MAP2K5: variants seen among roughly 807,000 people sequenced by gnomAD.
MAP2K5 encodes the protein dual specificity mitogen-activated protein kinase kinase 5.
MAP2K5 carries 49 observed loss-of-function variants against 83.1 expected under a neutral mutation model. That is an observed-to-expected ratio of 0.59 (90% CI 0.47 to 0.75). The LOEUF is 0.75. Among genes scored for constraint, MAP2K5 ranks in the 30% least tolerant of loss-of-function variants. The pLI, the probability that MAP2K5 is intolerant of heterozygous loss-of-function variation, is 0.00. For synonymous variants in MAP2K5, 202 were observed against 191.8 expected, an observed-to-expected ratio of 1.05 and a Z score of -0.44; for missense variants, 457 against 557.5, an observed-to-expected ratio of 0.82 and a Z score of 1.82.
At chr15:67,628,355 C>A (rs2086376468) in intron 8 of MAP2K5, among the ~76,000 whole-genome samples, 1 of 152,076 alleles carries the variant, frequency 6.6e-6, no homozygotes, top group African/African-American at 2.4e-5. Flanking sequence ...TGGCAGGCAC[C>A]TGTAATCCCA....
chr15:67,616,985 T>C (rs1339801588), intron 8 of MAP2K5, among the ~76,000 whole-genome samples: 1 of 152,224 alleles, frequency 6.6e-6, no homozygotes, highest in Non-Finnish European at 1.5e-5. Context: ...TTAGTTCATG[T>C]GGTTAATGAA....
Position 67,552,333 on chromosome 15 carries a change from G to A in MAP2K5, c.184+2251G>A, listed in dbSNP as rs1033071291. Among the ~76,000 whole-genome samples, 2 of 152,210 alleles carry A rather than the reference G, an allele frequency of 1.3e-5. No individual in the cohort carries two copies. The highest frequency in any genetic ancestry group is 2.1e-4 in the South Asian group (1 of 4,828). On this transcript the variant is annotated intron_variant, in intron 2 of 21. Transcript: ENST00000178640. This position sits in a 1 kb window ranked among gnomAD's most constrained non-coding sequence, Gnocchi z 4.2. Reference sequence around the variant, plus strand: ...GCAGGTTCCACGGGTTTCATGGACAGTCTGATAGTTAACATTCGGAGTACT... The same window carrying A: ...GCAGGTTCCACGGGTTTCATGGACAATCTGATAGTTAACATTCGGAGTACT...
At chr15:67,805,065 G>C (rs2090775674) in intron 21 of MAP2K5, among the ~76,000 whole-genome samples, 1 of 152,200 alleles carries the variant, frequency 6.6e-6, no homozygotes, top group African/African-American at 2.4e-5. Flanking sequence ...GCTATGAGCA[G>C]ATTATGGGAA....
chr15:67,804,195 T>A (rs2090757239), intron 21 of MAP2K5, among the ~76,000 whole-genome samples: 1 of 152,160 alleles, frequency 6.6e-6, no homozygotes, highest in African/African-American at 2.4e-5. Flanking sequence ...TCCTACACAC[T>A]GGCTTTCTCT....
chr15:67,653,991 GAGA>G (rs2087012022), intron 11 of MAP2K5, among the ~76,000 whole-genome samples: 2 of 152,046 alleles, frequency 1.3e-5, no homozygotes, highest in African/African-American at 4.8e-5. Context: ...ATGCGTACTT[GAGA>G]AGAATATATT....
intron 16 of MAP2K5, among the ~76,000 whole-genome samples, chr15:67,706,106 TC>T (rs1319856113): frequency 6.6e-6 from 1 of 152,138 alleles, no homozygotes; most frequent in Non-Finnish European, 1.5e-5. Flanking sequence ...AACAGGGAGA[TC>T]CGTTTAAGTA....
chr15:67,648,343 C>T (rs1344226538), intron 11 of MAP2K5, among the ~76,000 whole-genome samples: 1 of 152,168 alleles, frequency 6.6e-6, no homozygotes, highest in Non-Finnish European at 1.5e-5. Flanking sequence ...GCCTTTGTGT[C>T]TGGCTTCCTT....
chr15:67,660,166 C>T (rs773819987), intron 12 of MAP2K5, among the ~76,000 whole-genome samples: 2 of 123,098 alleles, frequency 1.6e-5, no homozygotes, highest in African/African-American at 3.1e-5. Flanking sequence ...AAACTACTTA[C>T]AGCTGGAGTA....
intron 13 of MAP2K5, 24 bp downstream of exon 13, chr15:67,664,669 G>C (rs1244180374): frequency 6.4e-7 from 1 of 1,569,764 alleles, no homozygotes; most frequent in South Asian, 1.1e-5. Flanking sequence ...TTATAAGCTT[G>C]GATTTAATTT....
chr15:67,775,507 A>G lies in MAP2K5; in HGVS notation c.1242+2755A>G, dbSNP rs903942017. On this transcript the variant is annotated intron_variant, in intron 21 of 21. Coordinates refer to ENST00000178640, the MANE Select transcript of MAP2K5 (RefSeq NM_145160.3). This position sits in a 1 kb window ranked among gnomAD's most constrained non-coding sequence, Gnocchi z 5.3. ...CCTAAGAGATTTCAGACCCCATTAA[A>G]TAATTGAATTTGTTAGTTGATATAC... Among the ~76,000 whole-genome samples the G allele has an allele frequency of 1.3e-5, 2 of 152,250 alleles. No individual in the cohort carries two copies. Among genetic ancestry groups the G allele is most frequent in the South Asian group, 2.1e-4 (1 of 4,832 alleles).
At chr15:67,731,677 G>C (rs549546406) in intron 17 of MAP2K5, among the ~76,000 whole-genome samples, 1 of 152,260 alleles carries the variant, frequency 6.6e-6, no homozygotes, top group Admixed American at 6.5e-5. Context: ...CCAGCCTCTA[G>C]GTGAGCCAAC....
intron 15 of MAP2K5, among the ~76,000 whole-genome samples, 193 bp downstream of exon 15, chr15:67,693,761 T>C (rs1397240681): frequency 4.6e-5 from 7 of 152,228 alleles, no homozygotes; most frequent in Admixed American, 4.6e-4. Context: ...TATCAACTTA[T>C]CTGACTTTGT....
In MAP2K5 at chr15:67,677,359, T is replaced by A. The variant is rs1397657962; in HGVS notation, c.847+12714T>A. ...TTAATAATAGTACCTATCTCAAGGGTTACAATGAGAATTAAATGAGGTAAT... is the reference window on the plus strand; with the variant it reads ...TTAATAATAGTACCTATCTCAAGGGATACAATGAGAATTAAATGAGGTAAT... On this transcript the variant is annotated intron_variant, in intron 13 of 21. Transcript: ENST00000178640. This position sits in a 1 kb window ranked among gnomAD's most constrained non-coding sequence, Gnocchi z 4.2. Among the ~76,000 whole-genome samples, 1 of 152,152 alleles carries A rather than the reference T, an allele frequency of 6.6e-6. No homozygotes were observed. Among genetic ancestry groups the A allele is most frequent in the African/African-American group, 2.4e-5 (1 of 41,430 alleles).
chr15:67,696,070 C>T (rs1306087337), intron 15 of MAP2K5, among the ~76,000 whole-genome samples: 3 of 149,676 alleles, frequency 2.0e-5, no homozygotes, highest in Non-Finnish European at 4.4e-5. Flanking sequence ...TATTATAGTA[C>T]AGGTATGAAT....
chr15:67,681,821 T>C (rs2087825468), intron 13 of MAP2K5, among the ~76,000 whole-genome samples: 1 of 152,218 alleles, frequency 6.6e-6, no homozygotes, highest in Non-Finnish European at 1.5e-5. Context: ...TGAGAAAATG[T>C]CTCAGTTAAA....
intron 21 of MAP2K5, among the ~76,000 whole-genome samples, chr15:67,799,741 G>A (rs2045960): frequency 0.27 from 40,818 of 152,078 alleles, 6,407 homozygotes; most frequent in East Asian, 0.6. Context: ...CCCACCCAAT[G>A]TTGCCACTCC....
intron 11 of MAP2K5, among the ~76,000 whole-genome samples, chr15:67,654,924 A>G (rs1407079155): frequency 6.6e-6 from 1 of 151,666 alleles, no homozygotes; most frequent in Non-Finnish European, 1.5e-5. Flanking sequence ...AATTAGCTGG[A>G]CTCAGTGGTG....
intron 21 of MAP2K5, among the ~76,000 whole-genome samples, chr15:67,784,117 C>G (rs761049989): frequency 1.3e-5 from 2 of 152,164 alleles, no homozygotes; most frequent in African/African-American, 4.8e-5. Flanking sequence ...AGCATTCTTT[C>G]ATCTAAGTTA....
intron 13 of MAP2K5, among the ~76,000 whole-genome samples, chr15:67,692,277 T>C (rs1398793438): frequency 6.6e-6 from 1 of 152,184 alleles, no homozygotes; most frequent in South Asian, 2.1e-4. Flanking sequence ...AAACCAGAAA[T>C]CGTTGAACGT....
Sources: allele counts gnomAD v4.1 joint callset (sites outside exome capture counted in the v4.1 genomes callset), GRCh38; gene constraint gnomAD v4.1.1; non-coding constraint Gnocchi (gnomAD v3.1); transcripts MANE v1.5; gene names NCBI Gene and HGNC (gene_info 2026-07-23, HGNC 2026-07-21).